The following PLEKHG1 variants were observed in gnomAD, a reference collection of about 807,000 sequenced individuals.
PLEKHG1 encodes the protein pleckstrin homology and RhoGEF domain containing G1.
A neutral mutation model predicts 100.8 loss-of-function variants in PLEKHG1; 44 were observed. The ratio of observed to expected loss-of-function variants is 0.44; its 90% CI spans 0.34 to 0.56. The LOEUF (loss-of-function observed/expected upper bound fraction) is 0.56. Ranked by LOEUF, PLEKHG1 falls within the 20% of genes least tolerant of loss-of-function variation. PLEKHG1 has a pLI of 0.01. For synonymous variants in PLEKHG1, 640 were observed against 662.5 expected (o/e 0.97, Z 0.52); for missense variants, 1,545 against 1,720.9 (o/e 0.90, Z 1.81).
chr6:150,699,750 C>T (rs1780691246), intron 3 of PLEKHG1, among the ~76,000 whole-genome samples: 1 of 152,190 alleles, frequency 6.6e-6, no homozygotes, highest in Non-Finnish European at 1.5e-5. Context: ...GGTGTCTCTA[C>T]TTTCAAAATA....
intron 4 of PLEKHG1, among the ~76,000 whole-genome samples, chr6:150,791,018 C>T (rs1400207897): frequency 1.3e-5 from 2 of 151,872 alleles, no homozygotes; most frequent in African/African-American, 2.4e-5. Flanking sequence ...AGTGAGACTC[C>T]GTCTCAAAAA....
intron 2 of PLEKHG1, among the ~76,000 whole-genome samples, chr6:150,738,797 T>C (rs1455760007): frequency 6.6e-6 from 1 of 152,188 alleles, no homozygotes; most frequent in African/African-American, 2.4e-5. Flanking sequence ...ATCTTGACTG[T>C]GAACCGTAGT....
intron 2 of PLEKHG1, among the ~76,000 whole-genome samples, chr6:150,744,891 A>G (rs768735501): frequency 1.3e-5 from 2 of 152,216 alleles, no homozygotes; most frequent in Admixed American, 6.5e-5. Context: ...GGTTGCAAGA[A>G]TGCATGATCT....
exon 16 of PLEKHG1, chr6:150,841,026 CTTTTACAGCACA>C (rs1562574371): frequency 1.3e-6 from 1 of 765,724 alleles, no homozygotes; most frequent in South Asian, 1.4e-5. Context: ...AATATACTTT[CTTTTACAGCACA>C]ACTTTTGGAA....
chr6:150,827,346 C>T (rs904625300), intron 14 of PLEKHG1, among the ~76,000 whole-genome samples: 7 of 150,348 alleles, frequency 4.7e-5, no homozygotes, highest in Middle Eastern at 3.2e-3. Flanking sequence ...GGCACAATCT[C>T]GGCTCACTGC....
chr6:150,649,665 T>TCAGGAGTTCG (rs1302437096), intron 2 of PLEKHG1, among the ~76,000 whole-genome samples: 5 of 151,112 alleles, frequency 3.3e-5, no homozygotes, highest in Admixed American at 2.6e-4. Context: ...TCACCTAAGG[T>TCAGGAGTTCG]CAGGAGTTCG....
At chr6:150,763,062 T>C (rs1784266388) in intron 2 of PLEKHG1, among the ~76,000 whole-genome samples, 1 of 135,608 alleles carries the variant, frequency 7.4e-6, no homozygotes, top group Non-Finnish European at 1.6e-5. Flanking sequence ...AGTTTTGTTC[T>C]TGTTGCCCAG....
chr6:150,776,048 G>C (rs749278672), intron 3 of PLEKHG1, among the ~76,000 whole-genome samples: 5 of 152,164 alleles, frequency 3.3e-5, no homozygotes, highest in Non-Finnish European at 7.3e-5. Context: ...TCAGTGTAAA[G>C]CAATAGAAGG....
intron 10 of PLEKHG1, among the ~76,000 whole-genome samples, chr6:150,815,694 C>T (rs1231797064): frequency 6.6e-6 from 1 of 152,180 alleles, no homozygotes; most frequent in Non-Finnish European, 1.5e-5. Context: ...AAGCCCCACA[C>T]TTTTTCACTA....
rs1317033397 is a variant in PLEKHG1, at chr6:150,831,406, G to A, written c.2295G>A (p.Arg765=). 1 of 1,614,142 alleles carries A rather than the reference G, an allele frequency of 6.2e-7. No homozygotes were observed. The highest frequency in any genetic ancestry group is 8.5e-7 in the Non-Finnish European group (1 of 1,180,040). ...GCAGCAGCCTAAAGCGTGCAAAGCG[G>A]AGCACCTTTTTGGGTCTGGAGGCCG... is the stretch of plus-strand genomic sequence containing the variant. Residue 765 remains arginine, a synonymous_variant, in exon 15 of 16, where the codon CGG becomes CGA. Transcript: ENST00000358517. The surrounding 1 kb of genome is among the most constrained non-coding windows in gnomAD (Gnocchi z 4.1).
Position 150,631,706 on chromosome 6 carries a change from T to C in PLEKHG1, c.-203-6374T>C, listed in dbSNP as rs181792020. Among the ~76,000 whole-genome samples, 7 of 152,308 alleles carry C rather than the reference T, an allele frequency of 4.6e-5. No homozygotes were observed. In the East Asian group the frequency reaches 1.4e-3, roughly 29 times the overall value. On this transcript the variant is annotated intron_variant, in intron 1 of 3. Transcript: ENST00000367326. ...ATTCGGGGGTTCCCCTTCCCCTTGC[T>C]GGCAACCGCTCCCCACCTACAGATG...
At chr6:150,605,291 C>T (rs900879019) in intron 1 of PLEKHG1, among the ~76,000 whole-genome samples, 8 of 152,178 alleles carry the variant, frequency 5.3e-5, no homozygotes, top group African/African-American at 1.2e-4. Flanking sequence ...GCCTTGGATG[C>T]GATACACAGT....
chr6:150,697,390 C>T (rs538321495), intron 3 of PLEKHG1, among the ~76,000 whole-genome samples: 2 of 152,104 alleles, frequency 1.3e-5, no homozygotes, highest in Non-Finnish European at 2.9e-5. Flanking sequence ...TTGAAGCTTC[C>T]TTGGAATTTT....
At position 150,623,003 on chromosome 6, in the gene PLEKHG1, G is replaced by T. The variant is rs377239075; in HGVS notation, c.-203-15077G>T. On this transcript the variant is annotated intron_variant, in intron 1 of 3. Transcript: ENST00000367326. ...CTTCCTTTTGTGTCCAATAGATATG[G>T]GTTCTTAATGAGCATCTTTTTTTTT... is the stretch of plus-strand genomic sequence containing the variant. Among the ~76,000 whole-genome samples, 132 of 151,468 alleles carry T rather than the reference G, an allele frequency of 8.7e-4. 3 individuals are homozygous for T. In the South Asian group the frequency reaches 0.026, roughly 30 times the overall value.
In PLEKHG1 at chr6:150,831,293, A is replaced by G. The variant is rs1412268387; in HGVS notation, c.2182A>G (p.Ser728Gly). The G allele has an allele frequency of 6.2e-7, 1 of 1,614,196 alleles. No individual in the cohort carries two copies. The highest frequency in any genetic ancestry group is 8.5e-7 in the Non-Finnish European group (1 of 1,180,028). Residue 728 changes from serine (S) to glycine (G), a missense_variant, in exon 15 of 16, where the codon AGC (serine) becomes GGC (glycine). Ser to Gly is a moderately conservative substitution (Grantham distance 56). Transcript: ENST00000358517. The surrounding 1 kb of genome is among the most constrained non-coding windows in gnomAD (Gnocchi z 4.1). ...CACCCTCTCAGGTGGAGAGGCATCC[A>G]GCCAAAGCACGCATGAACTCCAAGC...
chr6:150,628,541 C>CAG (rs2128560364), intron 1 of PLEKHG1, among the ~76,000 whole-genome samples: 1 of 143,352 alleles, frequency 7.0e-6, no homozygotes, highest in Admixed American at 7.0e-5. Flanking sequence ...CACACACACA[C>CAG]ACACACACAC....
At chr6:150,773,413 A>G (rs2128642747) in intron 3 of PLEKHG1, among the ~76,000 whole-genome samples, 1 of 152,332 alleles carries the variant, frequency 6.6e-6, no homozygotes, top group African/African-American at 2.4e-5. Flanking sequence ...GAGTGCCTGT[A>G]ATCCCAGCTA....
At chr6:150,804,965 C>T (rs372267304) in intron 7 of PLEKHG1, among the ~76,000 whole-genome samples, 7 of 147,862 alleles carry the variant, frequency 4.7e-5, no homozygotes, top group African/African-American at 1.5e-4. Flanking sequence ...GATGGAGTTT[C>T]GCTCTTGTTG....
rs1045127368 is a variant in PLEKHG1 at position 150,613,511 on chromosome 6, G to A, written c.-204+13494G>A. Among the ~76,000 whole-genome samples, 5 of 152,172 alleles carry A rather than the reference G, an allele frequency of 3.3e-5. No individual in the cohort carries two copies. The East Asian group carries it at 7.7e-4, about 23-fold the overall frequency. On this transcript the variant is annotated intron_variant, in intron 1 of 3. Transcript: ENST00000367326. ...ATTGCCCTCTCATGCCTCTGAGTAC[G>A]TTCTGATTGTCTGATTCTGTGATAC...
Sources: gnomAD v4.1 joint callset for allele counts (sites outside exome capture counted in the v4.1 genomes callset) on GRCh38, gnomAD v4.1.1 for gene constraint, Gnocchi (gnomAD v3.1) non-coding constraint, MANE v1.5 for transcripts, NCBI Gene and HGNC (gene_info 2026-07-23, HGNC 2026-07-21) for gene names.